The following SLC9A8 variants were observed in gnomAD, a reference collection of about 807,000 sequenced individuals.
SLC9A8 encodes the protein solute carrier family 9 member A8.
In SLC9A8, 48 loss-of-function variants were observed where a neutral mutation model predicts 66.6. The observed-to-expected ratio is 0.72, with a 90% CI of 0.57 to 0.92. SLC9A8 has a LOEUF of 0.92. Ranked by LOEUF, SLC9A8 falls within the 40% of genes least tolerant of loss-of-function variation. The pLI is 0.00. For synonymous variants in SLC9A8, 274 were observed against 282.6 expected (o/e 0.97, Z 0.31); for missense variants, 599 against 747.3 (o/e 0.80, Z 2.31).
intron 4 of SLC9A8, among the ~76,000 whole-genome samples, chr20:49,842,103 T>TA (rs2087792533): frequency 6.6e-6 from 1 of 150,928 alleles, no homozygotes; most frequent in South Asian, 2.1e-4. Context: ...AGAGTCTCAC[T>TA]ATGTTATCCA....
At chr20:49,872,430 CTGTAAT>C (rs2146712546) in intron 10 of SLC9A8, among the ~76,000 whole-genome samples, 1 of 149,978 alleles carries the variant, frequency 6.7e-6, no homozygotes, top group East Asian at 1.9e-4. Flanking sequence ...GTTGACAAGT[CTGTAAT>C]ACAGTGCTGT....
chr20:49,872,207 C>T (rs1450611157), intron 10 of SLC9A8, among the ~76,000 whole-genome samples: 2 of 152,146 alleles, frequency 1.3e-5, no homozygotes, highest in South Asian at 2.1e-4. Flanking sequence ...CATTTTCCTT[C>T]GCCCACCATG....
intron 3 of SLC9A8, among the ~76,000 whole-genome samples, chr20:49,834,225 A>ACG (rs1568812037): frequency 1.5e-5 from 2 of 133,716 alleles, no homozygotes; most frequent in Non-Finnish European, 3.2e-5. Flanking sequence ...ACACACACAC[A>ACG]CTATGTATAT....
At position 49,892,034 on chromosome 20, in the gene SLC9A8, C is replaced by T. The variant is rs2090055911; in HGVS notation, c.*4098C>T. 6.6e-6 allele frequency: 1 copy of T among 151,892 alleles called. No homozygotes were observed. The highest frequency in any genetic ancestry group is 1.5e-5 in the Non-Finnish European group (1 of 68,018). The allele number at this position is 151,892 out of a possible 1,614,324, so 9.4% of individuals were successfully genotyped here. A position where few individuals can be genotyped will look rare whatever the true frequency, so the allele number is the denominator to read the frequency against. On this transcript the variant is annotated 3_prime_UTR_variant, in exon 16 of 16. Transcript: ENST00000361573. The stretch of plus-strand genomic sequence containing the variant: ...GAGCTGCAAGAGGCCCCTGTTAGGC[C>T]CCTGTTTCCTGAGCAGTGATGTGCT...
intron 7 of SLC9A8, among the ~76,000 whole-genome samples, chr20:49,852,818 T>A (rs2088306848): frequency 6.6e-6 from 1 of 152,074 alleles, no homozygotes; most frequent in South Asian, 2.1e-4. Flanking sequence ...ACATGATTTA[T>A]ACAAAGCATT....
rs770716346 is a variant in SLC9A8, at chr20:49,874,837, G to A, written c.1075+16G>A. ...TTCTTATGTGGTGAGTTCTGCTTCT[G>A]TGTGGCCGTGAGCAGGCCCACCCAG... On this transcript the variant is annotated intron_variant, in intron 11 of 15. Transcript: ENST00000361573. The A allele has an allele frequency of 3.2e-6, 5 of 1,550,440 alleles. No homozygotes were observed. Among genetic ancestry groups the A allele is most frequent in the Non-Finnish European group, 4.5e-6 (5 of 1,121,890 alleles).
At chr20:49,882,017 T>C (rs1261556166) in intron 13 of SLC9A8, among the ~76,000 whole-genome samples, 1 of 152,136 alleles carries the variant, frequency 6.6e-6, no homozygotes, top group East Asian at 1.9e-4. Flanking sequence ...GGGCTCTTGC[T>C]CTGTGGGTTT....
intron 8 of SLC9A8, among the ~76,000 whole-genome samples, chr20:49,860,991 G>A (rs775998151): frequency 2.6e-5 from 4 of 152,160 alleles, no homozygotes; most frequent in South Asian, 2.1e-4. Flanking sequence ...GCAGGCCTGC[G>A]TGAAGGGATC....
intron 14 of SLC9A8, among the ~76,000 whole-genome samples, chr20:49,884,395 C>A (rs2089815927): frequency 6.6e-6 from 1 of 150,614 alleles, no homozygotes; most frequent in Admixed American, 6.6e-5. Flanking sequence ...AAGCATGGCT[C>A]TTGGGGTGGG....
rs367961630 is a variant in SLC9A8, at chr20:49,887,937, C to A, written c.*1C>A. On this transcript the variant is annotated 3_prime_UTR_variant, in exon 16 of 16. Coordinates refer to ENST00000361573, the MANE Select transcript of SLC9A8 (RefSeq NM_015266.3). Reference sequence around the variant, plus strand: ...GGACGACGAGCAGGAGCTGCTCTGACGCCAGGTGCCAAGGCTTCAGGCAGG... The same window carrying A: ...GGACGACGAGCAGGAGCTGCTCTGAAGCCAGGTGCCAAGGCTTCAGGCAGG... The A allele has an allele frequency of 6.2e-7, 1 of 1,611,420 alleles. No individual in the cohort carries two copies. Among genetic ancestry groups the A allele is most frequent in the East Asian group, 2.2e-5 (1 of 44,872 alleles).
intron 2 of SLC9A8, among the ~76,000 whole-genome samples, chr20:49,816,055 A>C (rs181338882): frequency 6.6e-6 from 1 of 152,166 alleles, no homozygotes; most frequent in South Asian, 2.1e-4. Flanking sequence ...GACTTTTGCC[A>C]TATCTATGTA....
intron 8 of SLC9A8, among the ~76,000 whole-genome samples, chr20:49,860,776 C>G (rs2088698898): frequency 1.3e-5 from 2 of 152,092 alleles, no homozygotes; most frequent in African/African-American, 4.8e-5. Flanking sequence ...ATTGATGAAG[C>G]TGAATATTAC....
rs1407480756 is a variant in SLC9A8, at chr20:49,887,034, C to T, written c.1638+136C>T. ...GTGGGCCCGCCAGGCCGCCGCCTCC[C>T]GATCTGGAGGCTGGACGTGCTTGTG... On this transcript the variant is annotated intron_variant, in intron 15 of 15. Coordinates refer to ENST00000361573, the MANE Select transcript of SLC9A8 (RefSeq NM_015266.3). The T allele has an allele frequency of 2.2e-5, 20 of 906,724 alleles. 1 individual carries two copies. The highest frequency in any genetic ancestry group is 1.1e-4 in the South Asian group (6 of 56,694). 56.2% of individuals were successfully genotyped at this position (906,724 alleles called of 1,614,324 possible). A position where few individuals can be genotyped will look rare whatever the true frequency, so the allele number is the denominator to read the frequency against.
intron 11 of SLC9A8, among the ~76,000 whole-genome samples, chr20:49,877,161 G>A (rs1236167109): frequency 6.6e-6 from 1 of 151,622 alleles, no homozygotes; most frequent in Non-Finnish European, 1.5e-5. Flanking sequence ...GGGCGTGGTG[G>A]CGAGCGCCTG....
At chr20:49,845,824 G>GTT (rs1364326746) in intron 5 of SLC9A8, among the ~76,000 whole-genome samples, 45 of 150,498 alleles carry the variant, frequency 3.0e-4, no homozygotes, top group Admixed American at 8.6e-4. Context: ...CCCAGTGTGA[G>GTT]ATGTTTTTTT....
chr20:49,872,931 CA>C (rs1276290665), intron 10 of SLC9A8, among the ~76,000 whole-genome samples: 7 of 152,160 alleles, frequency 4.6e-5, no homozygotes, highest in African/African-American at 1.7e-4. Context: ...AAGACAATCT[CA>C]GCTTCCTTAC....
chr20:49,887,849 C>G lies in SLC9A8; in HGVS notation c.1659C>G (p.Ile553Met). The change falls in exon 16 of 16, where the codon ATC (isoleucine) becomes ATG (methionine). Residue 553 changes from isoleucine (I) to methionine (M), a missense_variant. Transcript: ENST00000361573. ...LTQEDLHHGRIQMKTLTNKWY... is the reference protein window; with the variant it reads ...LTQEDLHHGRMQMKTLTNKWY... ...CCCAGGACCTGCACCACGGGCGCAT[C>G]CAGATGAAAACTCTCACCAACAAGT... 6.2e-7 allele frequency: 1 copy of G among 1,611,520 alleles called. No individual in the cohort carries two copies. The highest frequency in any genetic ancestry group is 8.5e-7 in the Non-Finnish European group (1 of 1,178,486).
At chr20:49,879,697 C>T (rs1413619032) in intron 12 of SLC9A8, among the ~76,000 whole-genome samples, 7 of 151,820 alleles carry the variant, frequency 4.6e-5, no homozygotes, top group East Asian at 3.9e-4. Context: ...TGGTAGCACA[C>T]GCCTGTAATC....
intron 14 of SLC9A8, among the ~76,000 whole-genome samples, chr20:49,884,351 C>G (rs181295853): frequency 2.7e-5 from 4 of 149,926 alleles, no homozygotes; most frequent in African/African-American, 9.9e-5. Context: ...CCGGTCATCC[C>G]CCCTGAGAAG....
Sources: allele counts gnomAD v4.1 joint callset (sites outside exome capture counted in the v4.1 genomes callset), GRCh38; gene constraint gnomAD v4.1.1; transcripts MANE v1.5; gene names NCBI Gene and HGNC (gene_info 2026-07-23, HGNC 2026-07-21).